FAF1: variants seen among roughly 807,000 people sequenced by gnomAD.
FAF1 encodes Fas associated factor 1.
FAF1 carries 25 observed loss-of-function variants against 92.5 expected under a neutral mutation model. The ratio of observed to expected loss-of-function variants is 0.27; its 90% CI spans 0.20 to 0.38. The LOEUF is 0.38. Among genes scored for constraint, FAF1 ranks in the 10% least tolerant of loss-of-function variants. FAF1 has a pLI of 1.00. For missense variants in FAF1, 636 were observed against 793.3 expected (o/e 0.80, Z 2.38); for synonymous variants, 234 against 273.2 (o/e 0.86, Z 1.42).
At chr1:50,856,103 T>C (rs762465262) in intron 2 of FAF1, among the ~76,000 whole-genome samples, 10 of 151,640 alleles carry the variant, frequency 6.6e-5, no homozygotes, top group African/African-American at 1.5e-4. Flanking sequence ...CACGAACCAA[T>C]AGGAAGCAGA....
At chr1:50,831,407 C>T (rs1570020455) in intron 2 of FAF1, among the ~76,000 whole-genome samples, 1 of 152,206 alleles carries the variant, frequency 6.6e-6, no homozygotes, top group African/African-American at 2.4e-5. Context: ...TGTATTCCTA[C>T]AGCACCATGC....
chr1:50,783,418 T>A (rs1661253500), intron 4 of FAF1, among the ~76,000 whole-genome samples: 1 of 152,010 alleles, frequency 6.6e-6, no homozygotes, highest in Non-Finnish European at 1.5e-5. Flanking sequence ...AAAACTACAG[T>A]CCAATATCCC....
In FAF1 at chr1:50,857,283, T is replaced by C. The variant is rs933259447; in HGVS notation, c.114+646A>G. Among the ~76,000 whole-genome samples the C allele has an allele frequency of 2.0e-5, 3 of 151,692 alleles. No homozygotes were observed. The South Asian group carries it at 6.3e-4, about 32-fold the overall frequency. On this transcript the variant is annotated intron_variant, in intron 2 of 18. Coordinates refer to ENST00000396153, the MANE Select transcript of FAF1 (RefSeq NM_007051.3). ...ATCTTAAGTTTTGACTTTTGAAAATTAGCACTTCTTCAAAATTATAATTTA... is the reference window on the plus strand; with the variant it reads ...ATCTTAAGTTTTGACTTTTGAAAATCAGCACTTCTTCAAAATTATAATTTA...
chr1:50,809,673 C>A (rs530373382), intron 2 of FAF1, among the ~76,000 whole-genome samples: 3 of 152,146 alleles, frequency 2.0e-5, no homozygotes, highest in Non-Finnish European at 4.4e-5. Flanking sequence ...TCATTCACAG[C>A]CAAATTCTAC....
At chr1:50,745,256 G>A (rs1036954176) in intron 4 of FAF1, among the ~76,000 whole-genome samples, 14 of 152,094 alleles carry the variant, frequency 9.2e-5, no homozygotes, top group African/African-American at 2.7e-4. Flanking sequence ...AGCCGAGATC[G>A]TGCCACTGCA....
chr1:50,949,877 C>T (rs1645200764), intron 1 of FAF1, among the ~76,000 whole-genome samples: 1 of 150,912 alleles, frequency 6.6e-6, no homozygotes, highest in South Asian at 2.1e-4. Flanking sequence ...CTTTTTTTTT[C>T]GAGACAGGGT....
rs774242721 is a variant in FAF1, at chr1:50,715,702, A to C, written c.552-9811T>G. Among the ~76,000 whole-genome samples, 49 of 152,184 alleles carry C rather than the reference A, an allele frequency of 3.2e-4. 1 individual carries two copies. Among genetic ancestry groups the C allele is most frequent in the Admixed American group, 1.3e-4 (2 of 15,280 alleles). ...GAGATCCCATTCCAATTTAACTATG[A>C]ATATTTATCAGGAACAGAGAGGTTA... On this transcript the variant is annotated intron_variant, in intron 6 of 18. Coordinates refer to ENST00000396153, the MANE Select transcript of FAF1 (RefSeq NM_007051.3).
At chr1:50,453,547 C>G (rs1646318584) in intron 18 of FAF1, among the ~76,000 whole-genome samples, 3 of 152,220 alleles carry the variant, frequency 2.0e-5, no homozygotes, top group Admixed American at 1.3e-4. Context: ...TACCAAGGCT[C>G]TCTCTGAGCT....
chr1:50,641,289 A>C (rs892003743), intron 8 of FAF1, among the ~76,000 whole-genome samples: 1 of 151,896 alleles, frequency 6.6e-6, no homozygotes, highest in African/African-American at 2.4e-5. Flanking sequence ...TGATTATTTC[A>C]TTGACATTGG....
intron 2 of FAF1, among the ~76,000 whole-genome samples, chr1:50,848,638 T>C (rs1043423970): frequency 1.3e-5 from 2 of 152,208 alleles, no homozygotes; most frequent in Non-Finnish European, 2.9e-5. Context: ...ATAACACATA[T>C]TGACATCATA....
At chr1:50,523,283 G>T (rs1647602046) in intron 15 of FAF1, among the ~76,000 whole-genome samples, 1 of 152,138 alleles carries the variant, frequency 6.6e-6, no homozygotes, top group Admixed American at 6.5e-5. Flanking sequence ...ATATGGCCAG[G>T]AGTGGAATAC....
At chr1:50,836,104 T>G (rs146708827) in intron 2 of FAF1, among the ~76,000 whole-genome samples, 472 of 151,786 alleles carry the variant, frequency 3.1e-3, no homozygotes, top group African/African-American at 0.011. Context: ...AGGATGTACA[T>G]AAATACTCTC....
At chr1:50,638,133 T>C (rs1214477324) in intron 8 of FAF1, among the ~76,000 whole-genome samples, 1 of 152,208 alleles carries the variant, frequency 6.6e-6, no homozygotes, top group East Asian at 1.9e-4. Context: ...TGTAACACAA[T>C]TGATTTTTGT....
At chr1:50,550,593 T>C (rs924599439) in intron 13 of FAF1, among the ~76,000 whole-genome samples, 9 of 152,150 alleles carry the variant, frequency 5.9e-5, no homozygotes, top group Non-Finnish European at 1.2e-4. Context: ...CTCTAAACTT[T>C]ATACCTGTTA....
chr1:50,514,698 T>C (rs1277255814), intron 15 of FAF1, among the ~76,000 whole-genome samples: 1 of 152,206 alleles, frequency 6.6e-6, no homozygotes, highest in East Asian at 1.9e-4. Context: ...AAAGATTCTT[T>C]TTCATCTGGA....
At chr1:50,767,708 G>C (rs1419707043) in intron 4 of FAF1, among the ~76,000 whole-genome samples, 1 of 152,136 alleles carries the variant, frequency 6.6e-6, no homozygotes, top group East Asian at 1.9e-4. Context: ...TATCCTGCCA[G>C]ATTAAGCTTC....
At chr1:50,615,822 T>C (rs1020920744) in intron 8 of FAF1, among the ~76,000 whole-genome samples, 5 of 152,162 alleles carry the variant, frequency 3.3e-5, no homozygotes, top group Admixed American at 2.6e-4. Flanking sequence ...ACTCCGTCAA[T>C]AGTTTATTTT....
chr1:50,671,205 G>C (rs969702548), intron 7 of FAF1, among the ~76,000 whole-genome samples: 1 of 152,192 alleles, frequency 6.6e-6, no homozygotes, highest in East Asian at 1.9e-4. Flanking sequence ...AGGAGATCAC[G>C]ATCAGCCTGG....
In FAF1 at chr1:50,849,248, C is replaced by CA. The variant is rs1424147516; in HGVS notation, c.114+8680dup. On this transcript the variant is annotated intron_variant, in intron 2 of 18. Transcript: ENST00000396153. Reference sequence around the variant, plus strand: ...CAGCACTGCACTATAGCCTAGGCGACAGAGTGAGACTCCGTCTCAAAAAAA... The same window carrying CA: ...CAGCACTGCACTATAGCCTAGGCGACAAGAGTGAGACTCCGTCTCAAAAAAA... Among the ~76,000 whole-genome samples the CA allele has an allele frequency of 1.4e-4, 21 of 145,088 alleles. No homozygotes were observed. The Admixed American group carries it at 1.5e-3, about 10-fold the overall frequency.
Sources: allele counts gnomAD v4.1 joint callset (sites outside exome capture counted in the v4.1 genomes callset), GRCh38; gene constraint gnomAD v4.1.1; transcripts MANE v1.5; gene names NCBI Gene and HGNC (gene_info 2026-07-23, HGNC 2026-07-21).